RNF220: variants seen among roughly 807,000 people sequenced by gnomAD.
The protein encoded by RNF220 is E3 ubiquitin-protein ligase RNF220.
In RNF220, 7 loss-of-function variants were observed where a neutral mutation model predicts 67.1. That is an observed-to-expected ratio of 0.10 (90% CI 0.06 to 0.20). The LOEUF (loss-of-function observed/expected upper bound fraction) is 0.20, where lower values mean the gene tolerates loss of function less well. RNF220 is among the 10% of genes least tolerant of loss of function. RNF220 has a pLI of 1.00. For synonymous variants in RNF220, 270 were observed against 283.2 expected, an observed-to-expected ratio of 0.95 and a Z score of 0.47; for missense variants, 565 against 740.3, an observed-to-expected ratio of 0.76 and a Z score of 2.75.
Position 44,412,517 on chromosome 1 carries a change from G to T in RNF220, c.420G>T (p.Lys140Asn). Residue 140 changes from lysine (K) to asparagine (N), a missense_variant, in exon 2 of 15, where the codon AAG becomes AAT. Transcript: ENST00000361799. The surrounding 1 kb of genome is among the most constrained non-coding windows in gnomAD (Gnocchi z 5.3). The part of the protein sequence containing the change: ...ESYQSAFTPA[K>N]RLKNCHDTES... ...ATCAGTCAGCCTTTACGCCGGCCAA[G>T]CGACTTAAGAACTGCCATGACACAG... 6.2e-7 allele frequency: 1 copy of T among 1,613,976 alleles called. No individual in the cohort carries two copies. The highest frequency in any genetic ancestry group is 8.5e-7 in the Non-Finnish European group (1 of 1,179,892).
rs190813339 is a variant in RNF220 at position 44,574,437 on chromosome 1, T to C, written c.626-39728T>C. Reference sequence around the variant, plus strand: ...CTTCCTGCAACTCATGAGTATACTTTCTTACACTGTTCTGTGCTCCAGTTT... The same window carrying C: ...CTTCCTGCAACTCATGAGTATACTTCCTTACACTGTTCTGTGCTCCAGTTT... On this transcript the variant is annotated intron_variant, in intron 2 of 14. Transcript: ENST00000361799. Among the ~76,000 whole-genome samples the C allele has an allele frequency of 6.6e-4, 100 of 152,330 alleles. 1 individual carries two copies. The East Asian group carries it at 0.011, about 17-fold the overall frequency.
At chr1:44,530,346 TCAC>T (rs1346466202) in intron 2 of RNF220, among the ~76,000 whole-genome samples, 22 of 152,132 alleles carry the variant, frequency 1.4e-4, no homozygotes. Flanking sequence ...CCACTGTGGG[TCAC>T]CACCACATAT....
At chr1:44,419,420 G>A (rs1396794376) in intron 2 of RNF220, 1 of 152,178 alleles carries the variant, frequency 6.6e-6, no homozygotes, top group Admixed American at 6.5e-5. Context: ...CAGAACACCT[G>A]GTAGATGCTA....
At chr1:44,543,913 C>CGAGT (rs1661896605) in intron 2 of RNF220, among the ~76,000 whole-genome samples, 1 of 152,144 alleles carries the variant, frequency 6.6e-6, no homozygotes, top group South Asian at 2.1e-4. Flanking sequence ...TGGGCAGTGG[C>CGAGT]GAGTGGTGGA....
At chr1:44,639,428 A>G (rs1403841928) in intron 8 of RNF220, among the ~76,000 whole-genome samples, 1 of 152,224 alleles carries the variant, frequency 6.6e-6, no homozygotes, top group Non-Finnish European at 1.5e-5. Context: ...GGTTTCAAAT[A>G]AGGTGGCAAT....
chr1:44,491,702 C>T (rs1396164886), intron 2 of RNF220, among the ~76,000 whole-genome samples: 4 of 151,872 alleles, frequency 2.6e-5, no homozygotes, highest in South Asian at 2.1e-4. Flanking sequence ...CTCACTCTGT[C>T]GTCCAGGCTG....
At chr1:44,632,319 C>T (rs199845330) in intron 5 of RNF220, 24 bp from the exon 6 acceptor site, 2 of 1,614,026 alleles carry the variant, frequency 1.2e-6, no homozygotes, top group African/African-American at 2.7e-5. Context: ...TCTTTTCTTG[C>T]ATCTGCCCGC....
chr1:44,584,236 C>T (rs1466357110), intron 2 of RNF220, among the ~76,000 whole-genome samples: 2 of 152,214 alleles, frequency 1.3e-5, no homozygotes, highest in African/African-American at 4.8e-5. Context: ...CCACTCAATT[C>T]AGAACCCAGA....
chr1:44,526,949 C>T (rs960887397), intron 2 of RNF220, among the ~76,000 whole-genome samples: 1 of 152,074 alleles, frequency 6.6e-6, no homozygotes, highest in African/African-American at 2.4e-5. Flanking sequence ...TCTACTTCTA[C>T]TCCTGCTCAT....
Position 44,651,071 on chromosome 1 carries a change from C to T in RNF220, c.*296C>T, listed in dbSNP as rs1027690958. On this transcript the variant is annotated 3_prime_UTR_variant, in exon 15 of 15. Transcript: ENST00000361799. ...TGGGGGTTGGGGGAGTAGTGGGGCA[C>T]GGCTCCTAAGATCCAGCCCCCATAC... 32 of 449,378 alleles carry T rather than the reference C, an allele frequency of 7.1e-5. No homozygotes were observed. The highest frequency in any genetic ancestry group is 4.2e-4 in the African/African-American group (21 of 50,432). The allele number at this position is 449,378 out of a possible 1,614,324, so 27.8% of individuals were successfully genotyped here. A position where few individuals can be genotyped will look rare whatever the true frequency, so the allele number is the denominator to read the frequency against.
rs947258543 is a variant in RNF220, at chr1:44,631,961, C to T, written c.907-382C>T. Reference sequence around the variant, plus strand: ...CCCAGCGCGCGACGGCGGCAGATCACGTGATTAGGGCCAACATGGCCGCCG... The same window carrying T: ...CCCAGCGCGCGACGGCGGCAGATCATGTGATTAGGGCCAACATGGCCGCCG... On this transcript the variant is annotated intron_variant, in intron 5 of 14. Transcript: ENST00000361799. The T allele has an allele frequency of 3.4e-5, 34 of 994,012 alleles. No homozygotes were observed. In the African/African-American group the frequency reaches 5.6e-4, roughly 16 times the overall value. The allele number at this position is 994,012 out of a possible 1,614,324, so 61.6% of individuals were successfully genotyped here.
chr1:44,453,453 GTT>G (rs1308939144), intron 2 of RNF220, among the ~76,000 whole-genome samples: 1 of 152,012 alleles, frequency 6.6e-6, no homozygotes, highest in African/African-American at 2.4e-5. Context: ...TTTTGCGAGA[GTT>G]TTACATTTTT....
intron 2 of RNF220, among the ~76,000 whole-genome samples, chr1:44,465,181 C>T (rs529757377): frequency 6.6e-6 from 1 of 152,112 alleles, no homozygotes; most frequent in South Asian, 2.1e-4. Flanking sequence ...TCTTTAGTCA[C>T]AGCTGTGTTG....
intron 2 of RNF220, among the ~76,000 whole-genome samples, chr1:44,499,197 C>T (rs1201116188): frequency 2.0e-5 from 3 of 152,242 alleles, no homozygotes; most frequent in Admixed American, 2.0e-4. Flanking sequence ...ATCAGAGCTT[C>T]CCTTTCTGCT....
intron 2 of RNF220, among the ~76,000 whole-genome samples, chr1:44,458,839 C>T (rs1653464694): frequency 6.6e-6 from 1 of 152,208 alleles, no homozygotes; most frequent in Admixed American, 6.5e-5. Context: ...AGTGGCCTGC[C>T]AGCCGTGAGC....
chr1:44,645,242 C>A lies in RNF220; in HGVS notation c.1332C>A (p.Arg444=), dbSNP rs781418030. 1 of 1,613,982 alleles carries A rather than the reference C, an allele frequency of 6.2e-7. No homozygotes were observed. Among genetic ancestry groups the A allele is most frequent in the African/African-American group, 1.3e-5 (1 of 74,886 alleles). The change falls in exon 11 of 15, where the codon CGC becomes CGA. Residue 444 remains arginine, a synonymous_variant. Transcript: ENST00000361799. The surrounding 1 kb of genome is among the most constrained non-coding windows in gnomAD (Gnocchi z 5.0). The part of the protein sequence containing the change: ...AVLNGGPPST[R]ITPEFSKWAS... Reference sequence around the variant, plus strand: ...CCAGTGGCGGCCCTCCCAGCACGCGCATCACACCTGAGTTCTCTAAATGGG... The same window carrying A: ...CCAGTGGCGGCCCTCCCAGCACGCGAATCACACCTGAGTTCTCTAAATGGG...
At chr1:44,633,841 T>C (rs1644244392) in intron 6 of RNF220, among the ~76,000 whole-genome samples, 1 of 152,228 alleles carries the variant, frequency 6.6e-6, no homozygotes, top group Non-Finnish European at 1.5e-5. Context: ...ATGTTTCACG[T>C]CCATTCTCCA....
In RNF220 at chr1:44,650,523, C is replaced by T; in HGVS notation, c.1630-181C>T. The T allele has an allele frequency of 3.2e-6, 2 of 625,470 alleles. No individual in the cohort carries two copies. The highest frequency in any genetic ancestry group is 5.7e-6 in the Non-Finnish European group (2 of 352,670). 38.7% of individuals were successfully genotyped at this position (625,470 alleles called of 1,614,324 possible). A position where few individuals can be genotyped will look rare whatever the true frequency, so the allele number is the denominator to read the frequency against. ...GGCCAGGCGGTTTGATCCTGGCGTC[C>T]CCCCAACACAGGAGCGTGCCTGCCT... On this transcript the variant is annotated intron_variant, in intron 14 of 14. Coordinates refer to ENST00000361799, the MANE Select transcript of RNF220 (RefSeq NM_018150.4). The surrounding 1 kb of genome is among the most constrained non-coding windows in gnomAD (Gnocchi z 4.3).
chr1:44,632,233 G>C, intron 5 of RNF220, 110 bp from the exon 6 acceptor site: 1 of 1,612,980 alleles, frequency 6.2e-7, no homozygotes, highest in Non-Finnish European at 8.5e-7. Context: ...GGGCTGTTTG[G>C]GGCGGAGCAG....
Sources: allele counts gnomAD v4.1 joint callset (sites outside exome capture counted in the v4.1 genomes callset), GRCh38; gene constraint gnomAD v4.1.1; non-coding constraint Gnocchi (gnomAD v3.1); transcripts MANE v1.5; gene names NCBI Gene and HGNC (gene_info 2026-07-23, HGNC 2026-07-21).